Variants in UBE2Z observed in about 807,000 individuals in gnomAD.
The protein encoded by UBE2Z is ubiquitin-conjugating enzyme E2 Z.
In UBE2Z, 10 loss-of-function variants were observed where a neutral mutation model predicts 32.6. The ratio of observed to expected loss-of-function variants is 0.31; its 90% CI spans 0.19 to 0.52. The LOEUF (loss-of-function observed/expected upper bound fraction) is 0.52, where lower values mean the gene tolerates loss of function less well. UBE2Z is among the 20% of genes least tolerant of loss of function. The pLI, the probability that UBE2Z is intolerant of heterozygous loss-of-function variation, is 0.97. For missense variants in UBE2Z, 343 were observed against 480.9 expected, an observed-to-expected ratio of 0.71 and a Z score of 2.68; for synonymous variants, 183 against 190.8, an observed-to-expected ratio of 0.96 and a Z score of 0.34.
intron 2 of UBE2Z, 73 bp downstream of exon 2, chr17:48,910,953 A>G (rs937440667): frequency 1.6e-5 from 19 of 1,199,156 alleles, no homozygotes; most frequent in East Asian, 2.3e-5. Flanking sequence ...CCTAAAAGAG[A>G]TTATTCAGCT....
At chr17:48,923,546 C>T (rs980134417) in intron 6 of UBE2Z, among the ~76,000 whole-genome samples, 4 of 151,688 alleles carry the variant, frequency 2.6e-5, no homozygotes, top group East Asian at 1.9e-4. Flanking sequence ...GCAGGAGAAT[C>T]GCTTGAACCT....
chr17:48,913,543 C>T (rs886910706), intron 3 of UBE2Z, among the ~76,000 whole-genome samples: 7 of 152,130 alleles, frequency 4.6e-5, no homozygotes, highest in African/African-American at 7.2e-5. Context: ...TTAGTAGAGA[C>T]GGAGTTTCAC....
At position 48,928,401 on chromosome 17, in the gene UBE2Z, C is replaced by T. The variant is rs1289501796; in HGVS notation, c.*1267C>T. ...GGGCATCAAGGGAATCCATCCTTCCCCTTTTTGATATGTTCTCCCCGTACT... is the reference window on the plus strand; with the variant it reads ...GGGCATCAAGGGAATCCATCCTTCCTCTTTTTGATATGTTCTCCCCGTACT... On this transcript the variant is annotated 3_prime_UTR_variant, in exon 7 of 7. Transcript: ENST00000360943. 3 of 152,738 alleles carry T rather than the reference C, an allele frequency of 2.0e-5. No individual in the cohort carries two copies. The East Asian group carries it at 5.8e-4, about 29-fold the overall frequency. The allele number at this position is 152,738 out of a possible 1,614,324, so 9.5% of individuals were successfully genotyped here. A position where few individuals can be genotyped will look rare whatever the true frequency, so the allele number is the denominator to read the frequency against.
chr17:48,924,931 C>G (rs2040787747), intron 6 of UBE2Z, among the ~76,000 whole-genome samples: 1 of 151,132 alleles, frequency 6.6e-6, no homozygotes, highest in African/African-American at 2.4e-5. Flanking sequence ...TTCTCCTGTC[C>G]TGGAGAATCA....
At chr17:48,919,000 G>A (rs1253024265) in intron 4 of UBE2Z, among the ~76,000 whole-genome samples, 12 of 152,198 alleles carry the variant, frequency 7.9e-5, no homozygotes, top group East Asian at 3.9e-4. Context: ...GCCCACGTCC[G>A]CCTCCCAAAG....
At chr17:48,913,184 GA>G (rs2040692762) in intron 3 of UBE2Z, among the ~76,000 whole-genome samples, 163 bp downstream of exon 3, 2 of 152,102 alleles carry the variant, frequency 1.3e-5, no homozygotes, top group Admixed American at 1.3e-4. Context: ...TATCATTCTA[GA>G]TGCAGAGGGG....
At chr17:48,922,969 C>T in intron 6 of UBE2Z, 32 bp downstream of exon 6, 5 of 1,573,906 alleles carry the variant, frequency 3.2e-6, no homozygotes, top group Non-Finnish European at 4.3e-6. Flanking sequence ...ATTGCAGAAG[C>T]CCTACAGCTG....
Position 48,908,416 on chromosome 17 carries a change from C to G in UBE2Z, c.-88C>G. The G allele has an allele frequency of 8.7e-7, 1 of 1,145,162 alleles. No individual in the cohort carries two copies. The highest frequency in any genetic ancestry group is 4.3e-5 in the Admixed American group (1 of 23,074). 70.9% of individuals were successfully genotyped at this position (1,145,162 alleles called of 1,614,324 possible). A position where few individuals can be genotyped will look rare whatever the true frequency, so the allele number is the denominator to read the frequency against. ...CGGAGGGGGTGGGGACACTCTGGCC[C>G]GGTTCTCGGTGGTGCGGGAGCGGGC... On this transcript the variant is annotated 5_prime_UTR_variant, in exon 1 of 7. Coordinates refer to ENST00000360943, the MANE Select transcript of UBE2Z (RefSeq NM_023079.5).
intron 1 of UBE2Z, chr17:48,909,080 T>C (rs2040654107): frequency 5.9e-6 from 1 of 168,290 alleles, no homozygotes; most frequent in East Asian, 1.5e-4. Flanking sequence ...GAGCCCTCCG[T>C]CTCCATTCCG....
intron 1 of UBE2Z, among the ~76,000 whole-genome samples, chr17:48,909,175 G>T (rs1206721094): frequency 1.7e-5 from 2 of 115,884 alleles, no homozygotes; most frequent in Non-Finnish European, 3.5e-5. Context: ...CTTCGGCGCC[G>T]CCCCTATTTC....
In UBE2Z at chr17:48,926,904, T is replaced by C. The variant is rs944163434; in HGVS notation, c.895-60T>C. On this transcript the variant is annotated intron_variant, in intron 6 of 6. Coordinates refer to ENST00000360943, the MANE Select transcript of UBE2Z (RefSeq NM_023079.5). ...CATTTCACATGGGCCCGAAGTTGCT[T>C]TCTCTAGGATCAGCCACCCAGACTT... is the stretch of plus-strand genomic sequence containing the variant. 2.6e-6 allele frequency: 4 copies of C among 1,543,030 alleles called. No individual in the cohort carries two copies. The African/African-American group carries it at 5.5e-5, about 21-fold the overall frequency.
chr17:48,908,615 G>C lies in UBE2Z; in HGVS notation c.112G>C (p.Gly38Arg). ...CGTTAGCGGCAGCGGCGGCGGGTTC[G>C]GGCCGCCTTTCCTGCCGGATGTGTG... ...VGVSGSGGGFGPPFLPDVWAA... is the reference protein window; with the variant it reads ...VGVSGSGGGFRPPFLPDVWAA... Residue 38 changes from glycine to arginine, a missense_variant, in exon 1 of 7, where the codon GGG becomes CGG. Around this residue, in one of 4 missense-constraint regions of UBE2Z, gnomAD observed 103 missense variants for 96.2 expected, o/e 1.07. Transcript: ENST00000360943. 1 of 1,236,844 alleles carries C rather than the reference G, an allele frequency of 8.1e-7. No homozygotes were observed. The highest frequency in any genetic ancestry group is 1.0e-6 in the Non-Finnish European group (1 of 987,734). 76.6% of individuals were successfully genotyped at this position (1,236,844 alleles called of 1,614,324 possible).
chr17:48,918,450 C>T (rs1454619879), intron 4 of UBE2Z, among the ~76,000 whole-genome samples: 1 of 151,730 alleles, frequency 6.6e-6, no homozygotes, highest in Non-Finnish European at 1.5e-5. Flanking sequence ...TCTCCTGCCT[C>T]AGCCTCCTGA....
rs1342769798 is a variant in UBE2Z at position 48,927,148 on chromosome 17, C to T, written c.*14C>T. ...CTGAGGGTTTAGACCCTGCTCCCAT[C>T]TCCCCTTCCCCCACTCAAGAGTCCC... On this transcript the variant is annotated 3_prime_UTR_variant, in exon 7 of 7. Coordinates refer to ENST00000360943, the MANE Select transcript of UBE2Z (RefSeq NM_023079.5). The T allele has an allele frequency of 6.8e-6, 11 of 1,612,600 alleles. No individual in the cohort carries two copies. The highest frequency in any genetic ancestry group is 9.3e-6 in the Non-Finnish European group (11 of 1,179,194).
Position 48,928,443 on chromosome 17 carries a change from T to C in UBE2Z, c.*1309T>C, listed in dbSNP as rs1046366857. On this transcript the variant is annotated 3_prime_UTR_variant, in exon 7 of 7. Coordinates refer to ENST00000360943, the MANE Select transcript of UBE2Z (RefSeq NM_023079.5). ...CCCCGTACTTCCAGATTTATTGTTA[T>C]GGCTCCCAGTGGGTATTGGCGATTC... 2.6e-5 allele frequency: 4 copies of C among 152,712 alleles called. No homozygotes were observed. The highest frequency in any genetic ancestry group is 2.6e-4 in the Admixed American group (4 of 15,274). The allele number at this position is 152,712 out of a possible 1,614,324, so 9.5% of individuals were successfully genotyped here.
intron 5 of UBE2Z, 44 bp from the exon 6 acceptor site, chr17:48,922,803 G>A: frequency 2.7e-6 from 4 of 1,509,432 alleles, no homozygotes; most frequent in South Asian, 1.2e-5. Context: ...GGGGTGACCT[G>A]TACCCCTGGG....
rs1427582247 is a variant in UBE2Z, at chr17:48,908,439, G to A, written c.-65G>A. On this transcript the variant is annotated 5_prime_UTR_variant, in exon 1 of 7. Transcript: ENST00000360943. ...CCCGGTTCTCGGTGGTGCGGGAGCGGGCGGGAGCAGCGGCCGCTCTGGTCG... is the reference window on the plus strand; with the variant it reads ...CCCGGTTCTCGGTGGTGCGGGAGCGAGCGGGAGCAGCGGCCGCTCTGGTCG... 5 of 1,202,434 alleles carry A rather than the reference G, an allele frequency of 4.2e-6. No individual in the cohort carries two copies. Among genetic ancestry groups the A allele is most frequent in the East Asian group, 3.2e-5 (1 of 30,866 alleles). 74.5% of individuals were successfully genotyped at this position (1,202,434 alleles called of 1,614,324 possible). A position where few individuals can be genotyped will look rare whatever the true frequency, so the allele number is the denominator to read the frequency against.
chr17:48,925,015 G>A (rs910414633), intron 6 of UBE2Z, among the ~76,000 whole-genome samples: 1 of 151,926 alleles, frequency 6.6e-6, no homozygotes, highest in African/African-American at 2.4e-5. Flanking sequence ...TGGCGCAATG[G>A]CTCATGCCTG....
rs1440118643 is a variant in UBE2Z at position 48,908,804 on chromosome 17, C to T, written c.301C>T (p.Leu101=). 4 of 1,505,964 alleles carry T rather than the reference C, an allele frequency of 2.7e-6. No individual in the cohort carries two copies. Among genetic ancestry groups the T allele is most frequent in the Admixed American group, 2.0e-5 (1 of 48,910 alleles). 93.3% of individuals were successfully genotyped at this position (1,505,964 alleles called of 1,614,324 possible). Reference sequence around the variant, plus strand: ...CGGCGAGCGCACCGCGCCGCAGTGTCTACTCCGGATCAAGCGGTGAGCCGG... The same window carrying T: ...CGGCGAGCGCACCGCGCCGCAGTGTTTACTCCGGATCAAGCGGTGAGCCGG... The part of the protein sequence containing the change: ...WDGERTAPQC[L]LRIKRDIMSI... Residue 101 remains leucine, a synonymous_variant, in exon 1 of 7, where the codon CTA becomes TTA. Coordinates refer to ENST00000360943, the MANE Select transcript of UBE2Z (RefSeq NM_023079.5).
Sources: gnomAD v4.1 joint callset for allele counts (sites outside exome capture counted in the v4.1 genomes callset) on GRCh38, gnomAD v4.1.1 for gene constraint, gnomAD v4.1.1 regional missense constraint, MANE v1.5 for transcripts, NCBI Gene and HGNC (gene_info 2026-07-23, HGNC 2026-07-21) for gene names.